Variants in CCDC171 observed in about 807,000 individuals in gnomAD.
The protein encoded by CCDC171 is coiled-coil domain containing 171, also known as coiled-coil domain-containing protein 171.
CCDC171 carries 177 observed loss-of-function variants against 168.2 expected under a neutral mutation model. That is an observed-to-expected ratio of 1.05 (90% CI 0.93 to 1.19). CCDC171 has a LOEUF of 1.19. Among genes scored for constraint, CCDC171 ranks in the 50% most tolerant of loss-of-function variants. The probability of loss-of-function intolerance (pLI) is 0.00; values close to 1 mark genes in which losing one functional copy is unlikely to be tolerated. For synonymous variants in CCDC171, 687 were observed against 540.8 expected, an observed-to-expected ratio of 1.27 and a Z score of -3.75; for missense variants, 1,991 against 1,539.0, an observed-to-expected ratio of 1.29 and a Z score of -4.91.
intron 16 of CCDC171, among the ~76,000 whole-genome samples, chr9:15,736,911 C>T (rs1223413941): frequency 1.3e-5 from 2 of 152,122 alleles, no homozygotes; most frequent in Non-Finnish European, 2.9e-5. Context: ...GTCTTGGCCT[C>T]TCAAAGTGCT....
intron 10 of CCDC171, among the ~76,000 whole-genome samples, chr9:15,690,583 G>A (rs2050713191): frequency 6.6e-6 from 1 of 152,116 alleles, no homozygotes; most frequent in Admixed American, 6.6e-5. Context: ...AAATGGAATT[G>A]TTTTGTCATC....
chr9:15,597,772 T>C (rs2042489927), intron 6 of CCDC171, among the ~76,000 whole-genome samples: 1 of 152,166 alleles, frequency 6.6e-6, no homozygotes, highest in Non-Finnish European at 1.5e-5. Flanking sequence ...ATCCATCTGG[T>C]TCTGGACTTT....
chr9:16,030,168 T>C (rs1033064380), intron 6 of CCDC171, among the ~76,000 whole-genome samples: 15 of 152,148 alleles, frequency 9.9e-5, no homozygotes, highest in African/African-American at 3.6e-4. Context: ...CCTTGGTGAT[T>C]TGGTATCAAC....
rs1564118847 is a variant in CCDC171 at position 15,642,347 on chromosome 9, A to ATG, written c.823-14779_823-14778insGT. ...TATATATACACGTGTGTGTGTGTAT[A>ATG]TATATATATATATATATATATATAT... On this transcript the variant is annotated intron_variant, in intron 7 of 25. Transcript: ENST00000380701. Among the ~76,000 whole-genome samples the ATG allele has an allele frequency of 1.7e-4, 5 of 28,772 alleles. No homozygotes were observed. The East Asian group carries it at 0.015, about 88-fold the overall frequency. The allele number at this position is 28,772 out of a possible 152,430, so 18.9% of individuals were successfully genotyped here.
At chr9:16,024,915 G>A (rs566318070) in intron 6 of CCDC171, among the ~76,000 whole-genome samples, 1 of 152,338 alleles carries the variant, frequency 6.6e-6, no homozygotes, top group South Asian at 2.1e-4. Flanking sequence ...TCAGATGCCT[G>A]GGACTGAGGC....
chr9:15,610,705 G>T (rs796306546), intron 6 of CCDC171, among the ~76,000 whole-genome samples: 5 of 151,834 alleles, frequency 3.3e-5, no homozygotes, highest in African/African-American at 1.2e-4. Flanking sequence ...CTACAGGTGT[G>T]CACGACCATA....
intron 3 of CCDC171, among the ~76,000 whole-genome samples, chr9:15,993,481 C>G (rs1832269283): frequency 6.6e-6 from 1 of 152,046 alleles, no homozygotes; most frequent in South Asian, 2.1e-4. Flanking sequence ...GGCCTAAACC[C>G]ATAAAAACCC....
Position 15,731,421 on chromosome 9 carries a change from ACCTGTT to A in CCDC171, c.2049+1625_2049+1630del, listed in dbSNP as rs2054145579. Among the ~76,000 whole-genome samples, 3 of 152,150 alleles carry A rather than the reference ACCTGTT, an allele frequency of 2.0e-5. No homozygotes were observed. The South Asian group carries it at 6.2e-4, about 32-fold the overall frequency. On this transcript the variant is annotated intron_variant, in intron 16 of 25. Transcript: ENST00000380701. ...ATGCCTGTCATGTAGATTAGTTTTC[ACCTGTT>A]CTTGAATTTCATGTAAGTGGAATCA...
intron 11 of CCDC171, among the ~76,000 whole-genome samples, chr9:15,704,449 C>T (rs796373903): frequency 5.1e-4 from 77 of 152,266 alleles, no homozygotes; most frequent in African/African-American, 1.6e-3. Context: ...AAGGCAGTGG[C>T]GCTTTACCTC....
rs765347577 is a variant in CCDC171 at position 15,571,626 on chromosome 9, T to G, written c.44T>G (p.Leu15Trp). 6.5e-7 allele frequency: 1 copy of G among 1,548,992 alleles called. No individual in the cohort carries two copies. Among genetic ancestry groups the G allele is most frequent in the Non-Finnish European group, 8.7e-7 (1 of 1,153,740 alleles). Residue 15 changes from leucine to tryptophan, a missense_variant and splice_region_variant, in exon 3 of 26, where the codon TTG becomes TGG. Transcript: ENST00000380701. ...TTTACTGTAATCTCATTTTAAAGGT[T>G]GAAGATTGCCTCATTGGATGTAAAA... is the stretch of plus-strand genomic sequence containing the variant. ...TSSNTGDTQRLKIASLDVKQI... is the reference protein window; with the variant it reads ...TSSNTGDTQRWKIASLDVKQI...
chr9:15,899,223 G>C (rs1379486787), intron 24 of CCDC171, among the ~76,000 whole-genome samples: 1 of 152,090 alleles, frequency 6.6e-6, no homozygotes, highest in Non-Finnish European at 1.5e-5. Context: ...ATCACAGTTT[G>C]TTTAGCCATT....
chr9:15,658,883 T>G (rs1479679010), intron 8 of CCDC171, among the ~76,000 whole-genome samples: 2 of 152,170 alleles, frequency 1.3e-5, no homozygotes, highest in East Asian at 1.9e-4. Flanking sequence ...ATTGCCAATT[T>G]GTGGTAATTG....
chr9:15,923,757 A>G (rs1364114000), intron 25 of CCDC171, among the ~76,000 whole-genome samples: 2 of 151,492 alleles, frequency 1.3e-5, no homozygotes, highest in African/African-American at 2.4e-5. Context: ...TGATAAATAC[A>G]TGCAATTTCA....
At chr9:15,763,012 G>A (rs764008029) in intron 18 of CCDC171, among the ~76,000 whole-genome samples, 5 of 152,154 alleles carry the variant, frequency 3.3e-5, no homozygotes, top group Non-Finnish European at 7.3e-5. Flanking sequence ...AGGCTAGCTG[G>A]CTACAAATTC....
At chr9:15,889,866 C>T (rs1218304050) in intron 24 of CCDC171, among the ~76,000 whole-genome samples, 1 of 152,194 alleles carries the variant, frequency 6.6e-6, no homozygotes, top group Non-Finnish European at 1.5e-5. Context: ...AGGAAGTCCT[C>T]TTGTTGTGAG....
chr9:15,720,593 A>G (rs761597869), intron 11 of CCDC171, among the ~76,000 whole-genome samples: 14 of 152,174 alleles, frequency 9.2e-5, no homozygotes, highest in Non-Finnish European at 1.9e-4. Flanking sequence ...AGAAATAACA[A>G]GAAAAGAAAA....
chr9:15,729,348 T>C (rs2054013066), intron 15 of CCDC171, among the ~76,000 whole-genome samples: 3 of 152,160 alleles, frequency 2.0e-5, no homozygotes, highest in Admixed American at 1.3e-4. Flanking sequence ...AAATTAATTA[T>C]AGAATAAGTA....
chr9:15,606,958 A>C (rs2043274138), intron 6 of CCDC171, among the ~76,000 whole-genome samples: 1 of 152,208 alleles, frequency 6.6e-6, no homozygotes, highest in Non-Finnish European at 1.5e-5. Flanking sequence ...TGATTGGAAA[A>C]TATGTTCTGT....
In CCDC171 at chr9:15,688,609, T is replaced by A. The variant is rs537610620; in HGVS notation, c.1216-6626T>A. Among the ~76,000 whole-genome samples, 5 of 152,322 alleles carry A rather than the reference T, an allele frequency of 3.3e-5. No individual in the cohort carries two copies. In the South Asian group the frequency reaches 8.3e-4, roughly 25 times the overall value. Reference sequence around the variant, plus strand: ...TAATAAATGATGGAAGCCTAATGATTATCTCAATAGACACAGAAAAACATT... The same window carrying A: ...TAATAAATGATGGAAGCCTAATGATAATCTCAATAGACACAGAAAAACATT... On this transcript the variant is annotated intron_variant, in intron 10 of 25. Coordinates refer to ENST00000380701, the MANE Select transcript of CCDC171 (RefSeq NM_173550.4).
Sources: allele counts gnomAD v4.1 joint callset (sites outside exome capture counted in the v4.1 genomes callset), GRCh38; gene constraint gnomAD v4.1.1; transcripts MANE v1.5; gene names NCBI Gene and HGNC (gene_info 2026-07-23, HGNC 2026-07-21).